The following SEZ6L variants were observed in gnomAD, a reference collection of about 807,000 sequenced individuals.
SEZ6L encodes seizure 6-like protein.
Under a neutral mutation model 106.2 loss-of-function variants are expected in SEZ6L, and 37 were observed. The observed-to-expected ratio is 0.35, with a 90% CI of 0.27 to 0.46. SEZ6L has a LOEUF of 0.46. Ranked by LOEUF, SEZ6L falls within the 20% of genes least tolerant of loss-of-function variation. The probability of loss-of-function intolerance (pLI) is 1.00; values close to 1 mark genes in which losing one functional copy is unlikely to be tolerated. For synonymous variants in SEZ6L, 541 were observed against 570.4 expected (o/e 0.95, Z 0.73); for missense variants, 1,172 against 1,332.8 (o/e 0.88, Z 1.88).
At chr22:26,294,475 C>G (rs1433426003) in intron 3 of SEZ6L, 50 bp downstream of exon 3, 2 of 1,585,790 alleles carry the variant, frequency 1.3e-6, no homozygotes, top group Non-Finnish European at 1.7e-6. Context: ...AGCAGGAAGT[C>G]TCAGGAGGAT....
intron 1 of SEZ6L, among the ~76,000 whole-genome samples, chr22:26,266,605 A>G (rs1215909384): frequency 1.8e-5 from 2 of 112,922 alleles, no homozygotes; most frequent in Non-Finnish European, 1.9e-5. Flanking sequence ...AAATAAATAA[A>G]TAAATAAATA....
chr22:26,377,808 C>G, intron 16 of SEZ6L, 33 bp downstream of exon 16: 1 of 1,442,234 alleles, frequency 6.9e-7, no homozygotes, highest in Non-Finnish European at 9.8e-7. Context: ...TTCCCAATTC[C>G]CTCCCTCTTT....
At chr22:26,364,992 C>A (rs1445262134) in intron 12 of SEZ6L, 1 of 165,790 alleles carries the variant, frequency 6.0e-6, no homozygotes, top group East Asian at 1.6e-4. Context: ...ACATCTTAAG[C>A]ATTTCCTTAC....
intron 1 of SEZ6L, among the ~76,000 whole-genome samples, chr22:26,202,247 A>G (rs1941009243): frequency 6.6e-6 from 1 of 152,148 alleles, no homozygotes; most frequent in South Asian, 2.1e-4. Flanking sequence ...TCATGCCTGC[A>G]TCTATCTGCA....
chr22:26,294,958 T>TCTTTCTTG (rs1556318840), intron 3 of SEZ6L, among the ~76,000 whole-genome samples: 15 of 119,938 alleles, frequency 1.3e-4, no homozygotes, highest in African/African-American at 4.5e-4. Flanking sequence ...TTTCTTTCTT[T>TCTTTCTTG]CTTGCTTGCT....
intron 14 of SEZ6L, 140 bp from the exon 15 acceptor site, chr22:26,375,435 T>C (rs1251674915): frequency 1.2e-5 from 8 of 668,436 alleles, no homozygotes; most frequent in Non-Finnish European, 1.9e-5. Context: ...TCTTTGGAGA[T>C]GGCTCTGCAA....
intron 12 of SEZ6L, among the ~76,000 whole-genome samples, chr22:26,362,433 C>T (rs960179292): frequency 5.3e-5 from 8 of 152,250 alleles, no homozygotes; most frequent in Admixed American, 3.3e-4. Flanking sequence ...ACTATTCCAA[C>T]AGCCCCTTCC....
intron 1 of SEZ6L, among the ~76,000 whole-genome samples, chr22:26,290,683 C>T (rs912749871): frequency 6.6e-6 from 1 of 152,212 alleles, no homozygotes; most frequent in Non-Finnish European, 1.5e-5. Flanking sequence ...CAAGAAAAAA[C>T]AAAATGAATT....
At chr22:26,379,491 T>A (rs2084344406) in intron 16 of SEZ6L, among the ~76,000 whole-genome samples, 1 of 152,244 alleles carries the variant, frequency 6.6e-6, no homozygotes, top group Non-Finnish European at 1.5e-5. Flanking sequence ...TGATTGCATA[T>A]CTGTGTTGGC....
intron 1 of SEZ6L, among the ~76,000 whole-genome samples, chr22:26,237,343 T>C (rs2078985264): frequency 6.6e-6 from 1 of 152,224 alleles, no homozygotes; most frequent in South Asian, 2.1e-4. Context: ...TCTCAGGTTC[T>C]GGTGCAACGT....
chr22:26,279,230 GC>G, intron 1 of SEZ6L, among the ~76,000 whole-genome samples: 1 of 152,288 alleles, frequency 6.6e-6, no homozygotes, highest in Non-Finnish European at 1.5e-5. Flanking sequence ...CCATTGGATG[GC>G]TTCCTGGTTT....
chr22:26,304,052 T>G (rs1194477552), intron 5 of SEZ6L, among the ~76,000 whole-genome samples: 1 of 152,076 alleles, frequency 6.6e-6, no homozygotes, highest in Non-Finnish European at 1.5e-5. Flanking sequence ...CCACCATCTC[T>G]CCTCAGAAAA....
chr22:26,317,437 C>G (rs1217173582), intron 9 of SEZ6L, among the ~76,000 whole-genome samples: 3 of 151,512 alleles, frequency 2.0e-5, no homozygotes, highest in African/African-American at 7.3e-5. Flanking sequence ...CTTGCCTCTT[C>G]TGGCCTCACA....
chr22:26,268,034 C>T (rs374505112), intron 1 of SEZ6L, among the ~76,000 whole-genome samples: 11 of 152,224 alleles, frequency 7.2e-5, no homozygotes, highest in African/African-American at 2.7e-4. Context: ...CATGCTGCCT[C>T]TCTATAGAAC....
intron 1 of SEZ6L, among the ~76,000 whole-genome samples, chr22:26,243,754 A>G (rs1302729382): frequency 6.6e-6 from 1 of 152,216 alleles, no homozygotes; most frequent in Non-Finnish European, 1.5e-5. Flanking sequence ...GAGGAGGAGG[A>G]CAGAGCTCTA....
chr22:26,361,516 A>AT (rs1007423921), intron 12 of SEZ6L, among the ~76,000 whole-genome samples: 360 of 136,920 alleles, frequency 2.6e-3, no homozygotes, highest in African/African-American at 8.6e-3. Flanking sequence ...CAAAAAAAAA[A>AT]AAAAATATAT....
intron 1 of SEZ6L, among the ~76,000 whole-genome samples, chr22:26,279,381 T>A (rs1410675876): frequency 6.6e-6 from 1 of 152,088 alleles, no homozygotes; most frequent in Non-Finnish European, 1.5e-5. Context: ...GGGCTGGGGA[T>A]CTTGGGATTT....
intron 1 of SEZ6L, among the ~76,000 whole-genome samples, chr22:26,209,830 AAAGT>A (rs2078097855): frequency 6.7e-6 from 1 of 148,762 alleles, no homozygotes; most frequent in Admixed American, 6.7e-5. Context: ...AGAAAGGAAA[AAAGT>A]AGGAGGAAGG....
intron 13 of SEZ6L, among the ~76,000 whole-genome samples, chr22:26,372,754 G>A (rs781327848): frequency 4.6e-5 from 7 of 152,006 alleles, no homozygotes; most frequent in South Asian, 2.1e-4. Flanking sequence ...TTGAACCTCC[G>A]GAGAAGTTTT....
Sources: allele counts gnomAD v4.1 joint callset (sites outside exome capture counted in the v4.1 genomes callset), GRCh38; gene constraint gnomAD v4.1.1; transcripts MANE v1.5; gene names NCBI Gene and HGNC (gene_info 2026-07-23, HGNC 2026-07-21).